KIF26B: variants seen among roughly 807,000 people sequenced by gnomAD.
KIF26B encodes the protein kinesin-like protein KIF26B.
Under a neutral mutation model 151.2 loss-of-function variants are expected in KIF26B, and 63 were observed. That is an observed-to-expected ratio of 0.42 (90% CI 0.34 to 0.51). KIF26B has a LOEUF of 0.51. Among genes scored for constraint, KIF26B ranks in the 20% least tolerant of loss-of-function variants. The pLI, the probability that KIF26B is intolerant of heterozygous loss-of-function variation, is 0.07. For missense variants in KIF26B, 2,813 were observed against 2,913.6 expected (o/e 0.97, Z 0.79); for synonymous variants, 1,357 against 1,262.1 (o/e 1.08, Z -1.59).
chr1:245,650,496 C>T (rs1017402616), intron 10 of KIF26B, among the ~76,000 whole-genome samples: 3 of 152,228 alleles, frequency 2.0e-5, no homozygotes, highest in African/African-American at 4.8e-5. Flanking sequence ...CACAGCTTTT[C>T]GAGACTCAGA....
At chr1:245,464,128 A>G (rs1659711642) in intron 4 of KIF26B, among the ~76,000 whole-genome samples, 1 of 152,216 alleles carries the variant, frequency 6.6e-6, no homozygotes, top group African/African-American at 2.4e-5. Context: ...GTCAAACACT[A>G]TGAGATAAAC....
At chr1:245,390,339 TC>T (rs1673656760) in intron 3 of KIF26B, among the ~76,000 whole-genome samples, 1 of 152,114 alleles carries the variant, frequency 6.6e-6, no homozygotes, top group South Asian at 2.1e-4. Flanking sequence ...TGCCTCATCC[TC>T]CTGAGTAGCT....
intron 7 of KIF26B, among the ~76,000 whole-genome samples, 158 bp downstream of exon 7, chr1:245,607,902 T>C (rs984546090): frequency 3.3e-5 from 5 of 152,204 alleles, no homozygotes; most frequent in African/African-American, 4.8e-5. Flanking sequence ...GACGAAAACC[T>C]ATGTTGTTCA....
Position 245,419,613 on chromosome 1 carries a change from G to A in KIF26B, c.1034G>A (p.Gly345Glu). The change falls in exon 4 of 15, where the codon GGA becomes GAA. Residue 345 changes from glycine (G) to glutamate (E), a missense_variant. Gly to Glu is a moderately conservative substitution (Grantham distance 98, BLOSUM62 -2). Coordinates refer to ENST00000407071, the MANE Select transcript of KIF26B (RefSeq NM_018012.4). Reference sequence around the variant, plus strand: ...CTGATGACAGAGAGTAGCCGGGAGGGACTAACAGAAGCAGTGCTGAACCGC... The same window carrying A: ...CTGATGACAGAGAGTAGCCGGGAGGAACTAACAGAAGCAGTGCTGAACCGC... The part of the protein sequence containing the change: ...SQLMTESSRE[G>E]LTEAVLNRYN... 4.3e-6 allele frequency: 7 copies of A among 1,613,170 alleles called. No individual in the cohort carries two copies. The highest frequency in any genetic ancestry group is 5.9e-6 in the Non-Finnish European group (7 of 1,179,454).
intron 4 of KIF26B, among the ~76,000 whole-genome samples, chr1:245,451,805 G>A (rs1659400896): frequency 6.6e-6 from 1 of 151,648 alleles, no homozygotes; most frequent in African/African-American, 2.4e-5. Flanking sequence ...TCACCATGTT[G>A]GCCAGCCTGG....
chr1:245,284,003 G>A (rs1671117892), intron 2 of KIF26B, among the ~76,000 whole-genome samples: 1 of 152,100 alleles, frequency 6.6e-6, no homozygotes, highest in South Asian at 2.1e-4. Flanking sequence ...AATATGAGCA[G>A]CACTTTTGAA....
chr1:245,705,107 A>G lies in KIF26B; in HGVS notation c.*2501A>G, dbSNP rs894851283. On this transcript the variant is annotated 3_prime_UTR_variant, in exon 15 of 15. Coordinates refer to ENST00000407071, the MANE Select transcript of KIF26B (RefSeq NM_018012.4). ...CTCCTGCCTAAATCTGCTTTTATCC[A>G]TTTGTAGCAACTTTATGCTGTAACA... 6.6e-6 allele frequency: 1 copy of G among 152,034 alleles called. No individual in the cohort carries two copies. Among genetic ancestry groups the G allele is most frequent in the African/African-American group, 2.4e-5 (1 of 41,396 alleles). The allele number at this position is 152,034 out of a possible 1,614,324, so 9.4% of individuals were successfully genotyped here.
chr1:245,607,376 G>T (rs1427901908), intron 6 of KIF26B, among the ~76,000 whole-genome samples: 3 of 152,186 alleles, frequency 2.0e-5, no homozygotes, highest in Non-Finnish European at 4.4e-5. Context: ...ATTCCAGCCT[G>T]CTCCTGCCTG....
chr1:245,508,083 G>A (rs765457212), intron 4 of KIF26B, among the ~76,000 whole-genome samples: 3 of 152,176 alleles, frequency 2.0e-5, no homozygotes, highest in Non-Finnish European at 2.9e-5. Flanking sequence ...GATTCCTCAG[G>A]TGTACACACC....
At chr1:245,296,749 C>T (rs2102975765) in intron 2 of KIF26B, among the ~76,000 whole-genome samples, 1 of 152,348 alleles carries the variant, frequency 6.6e-6, no homozygotes, top group Non-Finnish European at 1.5e-5. Context: ...CTGCTCCCTG[C>T]TGATTCATGC....
chr1:245,526,287 A>T (rs1192544851), intron 4 of KIF26B, among the ~76,000 whole-genome samples: 1 of 152,154 alleles, frequency 6.6e-6, no homozygotes, highest in African/African-American at 2.4e-5. Flanking sequence ...TAGCATAGAC[A>T]GGAAAGGAGG....
chr1:245,640,160 T>TATACAC (rs796722836), intron 9 of KIF26B, among the ~76,000 whole-genome samples: 7 of 54,854 alleles, frequency 1.3e-4, no homozygotes, highest in Non-Finnish European at 2.6e-4. Flanking sequence ...TATATATATA[T>TATACAC]ACCCTGCTAT....
In KIF26B at chr1:245,687,710, C is replaced by T. The variant is rs1419127003; in HGVS notation, c.4727C>T (p.Thr1576Ile). 1.3e-6 allele frequency: 2 copies of T among 1,582,230 alleles called. No individual in the cohort carries two copies. Among genetic ancestry groups the T allele is most frequent in the Admixed American group, 1.8e-5 (1 of 56,488 alleles). ...AASGTPPSKATLEGKVASPKH... is the reference protein window; with the variant it reads ...AASGTPPSKAILEGKVASPKH... ...TCGGGCACCCCGCCCTCCAAGGCTA[C>T]CCTGGAGGGGAAGGTGGCTTCCCCC... Residue 1576 changes from threonine (T) to isoleucine (I), a missense_variant, in exon 12 of 15, where the codon ACC becomes ATC. Coordinates refer to ENST00000407071, the MANE Select transcript of KIF26B (RefSeq NM_018012.4). This position sits in a 1 kb window ranked among gnomAD's most constrained non-coding sequence, Gnocchi z 4.9.
chr1:245,496,855 A>G (rs1660523074), intron 4 of KIF26B, among the ~76,000 whole-genome samples: 1 of 152,210 alleles, frequency 6.6e-6, no homozygotes, highest in African/African-American at 2.4e-5. Context: ...AGAATGAAAA[A>G]AAGATATACC....
intron 5 of KIF26B, among the ~76,000 whole-genome samples, chr1:245,588,155 C>T (rs1243264026): frequency 6.6e-6 from 1 of 152,150 alleles, no homozygotes. Flanking sequence ...TTTGGTGAGG[C>T]TTTTTGTTTA....
chr1:245,579,867 AG>A (rs2043158243), intron 5 of KIF26B, among the ~76,000 whole-genome samples: 1 of 150,374 alleles, frequency 6.7e-6, no homozygotes, highest in East Asian at 1.9e-4. Flanking sequence ...AAAAAAAAAA[AG>A]AGCTTTGATT....
Position 245,366,839 on chromosome 1 carries a change from T to C in KIF26B, c.471T>C (p.Pro157=). 3 of 1,613,860 alleles carry C rather than the reference T, an allele frequency of 1.9e-6. No homozygotes were observed. The highest frequency in any genetic ancestry group is 8.5e-7 in the Non-Finnish European group (1 of 1,179,774). The part of the protein sequence containing the change: ...LLPGPFPGKD[P]AFSAVIHDKL... The stretch of plus-strand genomic sequence containing the variant: ...TCTGCTTCTGTGTTCTGTAGGACCC[T>C]GCTTTCTCGGCTGTGATTCACGACA... Residue 157 remains proline, a synonymous_variant, in exon 3 of 15, where the codon CCT becomes CCC. Coordinates refer to ENST00000407071, the MANE Select transcript of KIF26B (RefSeq NM_018012.4).
intron 2 of KIF26B, among the ~76,000 whole-genome samples, chr1:245,199,136 G>T (rs903172985): frequency 6.6e-6 from 1 of 152,054 alleles, no homozygotes; most frequent in Non-Finnish European, 1.5e-5. Flanking sequence ...AAGGCAAGAC[G>T]CAGGTCTCCT....
At chr1:245,607,137 C>T (rs2103150304) in intron 6 of KIF26B, among the ~76,000 whole-genome samples, 1 of 150,658 alleles carries the variant, frequency 6.6e-6, no homozygotes, top group African/African-American at 2.4e-5. Context: ...GGAGAGAAAG[C>T]AGATATATAT....
Sources: gnomAD v4.1 joint callset for allele counts (sites outside exome capture counted in the v4.1 genomes callset) on GRCh38, gnomAD v4.1.1 for gene constraint, Gnocchi (gnomAD v3.1) non-coding constraint, MANE v1.5 for transcripts, NCBI Gene and HGNC (gene_info 2026-07-23, HGNC 2026-07-21) for gene names.